Variants in MUC5B observed in about 807,000 individuals in gnomAD.
The protein encoded by MUC5B is mucin 5B, oligomeric mucus/gel-forming.
A neutral mutation model predicts 376.9 loss-of-function variants in MUC5B; 116 were observed. The ratio of observed to expected loss-of-function variants is 0.31; its 90% confidence interval spans 0.26 to 0.36. MUC5B has a LOEUF of 0.36. Ranked by LOEUF, MUC5B falls within the 10% of genes least tolerant of loss-of-function variation. The pLI, the probability that MUC5B is intolerant of heterozygous loss-of-function variation, is 1.00. For synonymous variants in MUC5B, 3,517 were observed against 3,390.9 expected (o/e 1.04, Z -1.29); for missense variants, 7,165 against 7,769.9 (o/e 0.92, Z 2.93).
rs1862285879 is a variant in MUC5B at position 1,241,638 on chromosome 11, G to A, written c.4758G>A (p.Lys1586=). 6.2e-7 allele frequency: 1 copy of A among 1,612,476 alleles called. No homozygotes were observed. Among genetic ancestry groups the A allele is most frequent in the East Asian group, 2.2e-5 (1 of 44,854 alleles). The part of the protein sequence containing the change: ...CRNWEQEGVF[K]MCYNYRIRVL... ...ACTGGGAGCAGGAGGGCGTCTTCAA[G>A]ATGTGCTACAACTACAGGATCCGGG... The change falls in exon 31 of 49, where the codon AAG becomes AAA. Residue 1586 remains lysine, a synonymous_variant. Transcript: ENST00000529681.
rs760983847 is a variant in MUC5B, at chr11:1,252,885, C to T, written c.15122C>T (p.Pro5041Leu). 6.2e-7 allele frequency: 1 copy of T among 1,612,648 alleles called. No individual in the cohort carries two copies. Among genetic ancestry groups the T allele is most frequent in the Non-Finnish European group, 8.5e-7 (1 of 1,179,856 alleles). The stretch of plus-strand genomic sequence containing the variant: ...GACAACCGTGTCGTCCTGCTGGACC[C>T]AAAGCCTGTGGCCAACGTCACCTGC... Reference protein sequence around the residue: ...VGDNRVVLLDPKPVANVTCVN... With the variant: ...VGDNRVVLLDLKPVANVTCVN... The change falls in exon 33 of 49, where the codon CCA becomes CTA. Residue 5041 changes from proline to leucine, a missense_variant. Pro to Leu is a moderately conservative substitution (Grantham distance 98). Transcript: ENST00000529681.
rs1184667345 is a variant in MUC5B at position 1,241,048 on chromosome 11, C to T, written c.4168C>T (p.Leu1390=). The change falls in exon 31 of 49, where the codon CTG becomes TTG. Residue 1390 remains leucine (L), a synonymous_variant. Coordinates refer to ENST00000529681, the MANE Select transcript of MUC5B (RefSeq NM_002458.3). Reference sequence around the variant, plus strand: ...GGCGGCGCAGCTTCCCGACATGCCGCTGGAGGAGCTGGGCCAGCAGGTGGA... The same window carrying T: ...GGCGGCGCAGCTTCCCGACATGCCGTTGGAGGAGCTGGGCCAGCAGGTGGA... ...CRAAQLPDMP[L]EELGQQVDCD... 8 of 1,612,498 alleles carry T rather than the reference C, an allele frequency of 5.0e-6. No homozygotes were observed. In the African/African-American group the frequency reaches 1.1e-4, roughly 22 times the overall value.
chr11:1,229,334 A>G, intron 9 of MUC5B, 39 bp downstream of exon 9: 3 of 1,502,738 alleles, frequency 2.0e-6, no homozygotes, highest in Non-Finnish European at 2.7e-6. Context: ...GGGGGCTTTC[A>G]GGTCCCTGCT....
In MUC5B at chr11:1,241,781, C is replaced by G; in HGVS notation, c.4901C>G (p.Thr1634Arg). 6.2e-7 allele frequency: 1 copy of G among 1,612,250 alleles called. No homozygotes were observed. The highest frequency in any genetic ancestry group is 8.5e-7 in the Non-Finnish European group (1 of 1,179,212). ...GCCCTGTTCTCAACGCCGCAGCCTA[C>G]GAGTAGCCCGGGGCTGACCAGGGCT... ...TQALFSTPQP[T>R]SSPGLTRAPP... Residue 1634 changes from threonine (T) to arginine (R), a missense_variant, in exon 31 of 49, where the codon ACG (threonine) becomes AGG (arginine). By Grantham distance (71) the Thr-to-Arg change is moderately conservative (BLOSUM62 -1). This residue lies in a region of MUC5B where 897 missense variants were observed against 779.6 expected (regional missense o/e 1.15). Transcript: ENST00000529681.
chr11:1,232,410 CG>C, intron 15 of MUC5B, 39 bp from the exon 16 acceptor site: 2 of 1,554,802 alleles, frequency 1.3e-6, no homozygotes, highest in Non-Finnish European at 8.7e-7. Context: ...GTGTGGGCTT[CG>C]GGGCAGGGCG....
Position 1,236,654 on chromosome 11 carries a change from C to T in MUC5B, c.3057+92C>T, listed in dbSNP as rs1862164096. ...AGGTGGGGTCTGTGGGACTCGCTGA[C>T]CCGTGGGTGCGTGAGCCTGGCTGGT... On this transcript the variant is annotated intron_variant, in intron 24 of 48. Transcript: ENST00000529681. 3.7e-6 allele frequency: 5 copies of T among 1,356,190 alleles called. No homozygotes were observed. The East Asian group carries it at 9.8e-5, about 27-fold the overall frequency. 84.0% of individuals were successfully genotyped at this position (1,356,190 alleles called of 1,614,324 possible).
Position 1,261,708 on chromosome 11 carries a change from CTG to C in MUC5B, c.*107_*108del, listed in dbSNP as rs1862999484. 8.3e-7 allele frequency: 1 copy of C among 1,201,166 alleles called. No homozygotes were observed. The highest frequency in any genetic ancestry group is 1.2e-6 in the Non-Finnish European group (1 of 839,770). The allele number at this position is 1,201,166 out of a possible 1,614,324, so 74.4% of individuals were successfully genotyped here. ...GGCCTCCTCTGCGGAGCCCCCCGGC[CTG>C]TGTGTGGCACCCCGCGCTCCGTGCT... On this transcript the variant is annotated 3_prime_UTR_variant, in exon 49 of 49. Transcript: ENST00000529681.
chr11:1,239,329 G>T, intron 26 of MUC5B, 109 bp from the exon 27 acceptor site: 1 of 1,416,162 alleles, frequency 7.1e-7, no homozygotes, highest in Non-Finnish European at 9.5e-7. Flanking sequence ...GGACAAGCCC[G>T]GGTCTGGCTC....
chr11:1,256,545 T>A, intron 38 of MUC5B, 126 bp from the exon 39 acceptor site: 2 of 249,072 alleles, frequency 8.0e-6, no homozygotes, highest in East Asian at 1.2e-4. Context: ...CCGCCCACCC[T>A]GAGCCCCGCA....
chr11:1,231,220 ACT>A (rs1273115644), intron 13 of MUC5B, among the ~76,000 whole-genome samples: 2 of 151,156 alleles, frequency 1.3e-5, no homozygotes, highest in Admixed American at 1.3e-4. Context: ...GCTCAGCCCC[ACT>A]CTCTCAGGGA....
chr11:1,227,169 G>A (rs1554934159), intron 5 of MUC5B, 24 bp downstream of exon 5: 1 of 1,598,386 alleles, frequency 6.3e-7, no homozygotes, highest in Non-Finnish European at 8.6e-7. Flanking sequence ...CTCGCCCCTT[G>A]CCCCTTCAGG....
In MUC5B at chr11:1,223,071, G is replaced by A; in HGVS notation, c.-53G>A. On this transcript the variant is annotated 5_prime_UTR_variant, in exon 1 of 49. Coordinates refer to ENST00000529681, the MANE Select transcript of MUC5B (RefSeq NM_002458.3). Reference sequence around the variant, plus strand: ...GGGCCCCCAGGGGAGCAAGCACCCGGCCCGGCTCCCTCCCTGCCCGTCCCC... The same window carrying A: ...GGGCCCCCAGGGGAGCAAGCACCCGACCCGGCTCCCTCCCTGCCCGTCCCC... The A allele has an allele frequency of 1.5e-6, 1 of 687,302 alleles. No homozygotes were observed. Among genetic ancestry groups the A allele is most frequent in the East Asian group, 2.7e-5 (1 of 36,980 alleles). The allele number at this position is 687,302 out of a possible 1,614,324, so 42.6% of individuals were successfully genotyped here.
intron 25 of MUC5B, among the ~76,000 whole-genome samples, chr11:1,238,644 G>A (rs902587372): frequency 1.3e-5 from 2 of 152,138 alleles, no homozygotes; most frequent in East Asian, 1.9e-4. Flanking sequence ...GGGCAGATGG[G>A]CAGGTGGGCA....
Position 1,250,244 on chromosome 11 carries a change from C to A in MUC5B, c.13364C>A (p.Thr4455Asn), listed in dbSNP as rs1212697649. The A allele has an allele frequency of 6.2e-7, 1 of 1,612,694 alleles. No homozygotes were observed. Among genetic ancestry groups the A allele is most frequent in the Admixed American group, 1.7e-5 (1 of 59,974 alleles). The change falls in exon 31 of 49, where the codon ACT becomes AAT. Residue 4455 changes from threonine to asparagine, a missense_variant. Physicochemically the swap from Thr to Asn is moderately conservative, Grantham distance 65. Coordinates refer to ENST00000529681, the MANE Select transcript of MUC5B (RefSeq NM_002458.3). Reference protein sequence around the residue: ...GTTWILTEPSTTATVTVPTGS... With the variant: ...GTTWILTEPSNTATVTVPTGS... ...ACCTGGATCCTCACAGAGCCGAGCA[C>A]TACAGCCACCGTGACGGTGCCCACC... is the stretch of plus-strand genomic sequence containing the variant.
Position 1,246,358 on chromosome 11 carries a change from A to G in MUC5B, c.9478A>G (p.Thr3160Ala). The G allele has an allele frequency of 1.9e-6, 3 of 1,604,374 alleles. No homozygotes were observed. The highest frequency in any genetic ancestry group is 1.1e-5 in the South Asian group (1 of 90,280). The change falls in exon 31 of 49, where the codon ACC becomes GCC. Residue 3160 changes from threonine (T) to alanine (A), a missense_variant. This residue lies in a region of MUC5B where 939 missense variants were observed against 770.6 expected (regional missense o/e 1.22). Transcript: ENST00000529681. The part of the protein sequence containing the change: ...PTATPSSTPG[T>A]TWILTEPSTT... ...GGCCACCCCGTCCTCCACCCCAGGGACCACCTGGATCCTCACAGAGCCCAG... is the reference window on the plus strand; with the variant it reads ...GGCCACCCCGTCCTCCACCCCAGGGGCCACCTGGATCCTCACAGAGCCCAG...
Position 1,229,678 on chromosome 11 carries a change from C to T in MUC5B, c.1103-12C>T, listed in dbSNP as rs1186444994. 1.1e-5 allele frequency: 17 copies of T among 1,550,246 alleles called. No individual in the cohort carries two copies. The highest frequency in any genetic ancestry group is 1.5e-5 in the Non-Finnish European group (17 of 1,152,832). ...TGCATGGGCCGGCCCTGCCTCACGCCGCGCCCCACAGGCACGGTGCTGGAT... is the reference window on the plus strand; with the variant it reads ...TGCATGGGCCGGCCCTGCCTCACGCTGCGCCCCACAGGCACGGTGCTGGAT... On this transcript the variant is annotated splice_polypyrimidine_tract_variant and intron_variant, in intron 9 of 48. Transcript: ENST00000529681.
chr11:1,255,456 G>T lies in MUC5B; in HGVS notation c.15964G>T (p.Gly5322Cys). 1 of 1,598,608 alleles carries T rather than the reference G, an allele frequency of 6.3e-7. No individual in the cohort carries two copies. ...CGCCTGCATCAGCGACCACTGCAGG[G>T]GCCGCCTTGAGGTGCCCTGCCAGAG... is the stretch of plus-strand genomic sequence containing the variant. ...FNACISDHCRGRLEVPCQSLE... is the reference protein window; with the variant it reads ...FNACISDHCRCRLEVPCQSLE... The change falls in exon 37 of 49, where the codon GGC becomes TGC. Residue 5322 changes from glycine to cysteine, a missense_variant. Around this residue, in one of 31 missense-constraint regions of MUC5B, gnomAD observed 842 missense variants for 1,016.9 expected, o/e 0.83. Transcript: ENST00000529681.
rs1334191634 is a variant in MUC5B at position 1,248,249 on chromosome 11, C to T, written c.11369C>T (p.Thr3790Ile). The change falls in exon 31 of 49, where the codon ACA becomes ATA. Residue 3790 changes from threonine to isoleucine, a missense_variant. Around this residue, in one of 31 missense-constraint regions of MUC5B, gnomAD observed 72 missense variants for 127.8 expected, o/e 0.56. Transcript: ENST00000529681. The part of the protein sequence containing the change: ...PALRSTATTP[T>I]ATSFTAIPSS... Reference sequence around the variant, plus strand: ...CTGAGAAGCACAGCCACCACACCCACAGCTACCAGCTTTACAGCCATCCCC... The same window carrying T: ...CTGAGAAGCACAGCCACCACACCCATAGCTACCAGCTTTACAGCCATCCCC... 1.9e-6 allele frequency: 3 copies of T among 1,603,378 alleles called. No individual in the cohort carries two copies. Among genetic ancestry groups the T allele is most frequent in the East Asian group, 2.2e-5 (1 of 44,718 alleles).
Position 1,238,929 on chromosome 11 carries a change from G to A in MUC5B, c.3356G>A (p.Gly1119Asp). Reference protein sequence around the residue: ...CVNDACACDSGGDCECFCTAV... With the variant: ...CVNDACACDSDGDCECFCTAV... ...AACGACGCGTGTGCCTGCGACTCGG[G>A]TGGCGACTGCGAGTGTTTCTGCACG... is the stretch of plus-strand genomic sequence containing the variant. Residue 1119 changes from glycine (G) to aspartate (D), a missense_variant, in exon 26 of 49, where the codon GGT becomes GAT. Gly to Asp is a moderately conservative substitution (Grantham distance 94, BLOSUM62 -1). This residue lies in a region of MUC5B where 143 missense variants were observed against 193.2 expected (regional missense o/e 0.74). Coordinates refer to ENST00000529681, the MANE Select transcript of MUC5B (RefSeq NM_002458.3). 6.4e-7 allele frequency: 1 copy of A among 1,573,838 alleles called. No individual in the cohort carries two copies. The highest frequency in any genetic ancestry group is 8.6e-7 in the Non-Finnish European group (1 of 1,159,776).
Sources: gnomAD v4.1 joint callset for allele counts (sites outside exome capture counted in the v4.1 genomes callset) on GRCh38, gnomAD v4.1.1 for gene constraint, gnomAD v4.1.1 regional missense constraint, MANE v1.5 for transcripts, NCBI Gene and HGNC (gene_info 2026-07-23, HGNC 2026-07-21) for gene names.